IFT81: variants seen among roughly 807,000 people sequenced by gnomAD.
IFT81 encodes intraflagellar transport 81, also known as intraflagellar transport protein 81 homolog.
In IFT81, 72 loss-of-function variants were observed where a neutral mutation model predicts 102.6. The ratio of observed to expected loss-of-function variants is 0.70; its 90% CI spans 0.58 to 0.85. The LOEUF is 0.85. IFT81 is among the 40% of genes least tolerant of loss of function. The pLI, the probability that IFT81 is intolerant of heterozygous loss-of-function variation, is 0.00. For synonymous variants in IFT81, 237 were observed against 242.7 expected, an observed-to-expected ratio of 0.98 and a Z score of 0.22; for missense variants, 723 against 787.3, an observed-to-expected ratio of 0.92 and a Z score of 0.98.
intron 8 of IFT81, among the ~76,000 whole-genome samples, chr12:110,141,113 C>T (rs1894863648): frequency 6.6e-6 from 1 of 152,110 alleles, no homozygotes; most frequent in South Asian, 2.1e-4. Flanking sequence ...CAACCTCTGC[C>T]TCCCGGGTTC....
At chr12:110,173,392 G>C (rs1347943905) in intron 11 of IFT81, among the ~76,000 whole-genome samples, 1 of 151,428 alleles carries the variant, frequency 6.6e-6, no homozygotes, top group Non-Finnish European at 1.5e-5. Flanking sequence ...GGTGAGGGGC[G>C]CCTCTGCCCG....
chr12:110,166,139 A>G (rs1457418205), intron 11 of IFT81, among the ~76,000 whole-genome samples: 1 of 152,222 alleles, frequency 6.6e-6, no homozygotes, highest in East Asian at 1.9e-4. Context: ...TTAATTGAAC[A>G]TGCTTAGAAC....
At chr12:110,192,163 T>C (rs1428897012) in intron 13 of IFT81, among the ~76,000 whole-genome samples, 1 of 148,966 alleles carries the variant, frequency 6.7e-6, no homozygotes, top group Non-Finnish European at 1.5e-5. Flanking sequence ...CAAGCAAGAC[T>C]CTGTCTCAAA....
intron 5 of IFT81, among the ~76,000 whole-genome samples, chr12:110,133,668 T>C (rs553706757): frequency 2.0e-5 from 3 of 152,224 alleles, no homozygotes; most frequent in African/African-American, 7.2e-5. Flanking sequence ...ATAATCTCGT[T>C]CTCCAGAGAC....
chr12:110,131,990 A>G (rs1894192348), intron 4 of IFT81, among the ~76,000 whole-genome samples: 1 of 152,188 alleles, frequency 6.6e-6, no homozygotes, highest in African/African-American at 2.4e-5. Context: ...CAACATAGCT[A>G]GTGTAGAGTG....
chr12:110,215,003 T>G (rs1468802889), intron 18 of IFT81, among the ~76,000 whole-genome samples: 1 of 152,168 alleles, frequency 6.6e-6, no homozygotes, highest in African/African-American at 2.4e-5. Flanking sequence ...ATCAAAAAAT[T>G]TACTGGTTAT....
At chr12:110,197,697 T>A (rs188228424) in intron 14 of IFT81, among the ~76,000 whole-genome samples, 589 of 151,694 alleles carry the variant, frequency 3.9e-3, no homozygotes, top group African/African-American at 0.012. Context: ...GCATTTTTTT[T>A]ATTTATTTGT....
intron 12 of IFT81, 99 bp downstream of exon 12, chr12:110,180,670 TAA>T: frequency 1.3e-6 from 1 of 787,070 alleles, no homozygotes. Flanking sequence ...GGAAAAATGA[TAA>T]AAGTATTACT....
intron 7 of IFT81, 65 bp from the exon 8 acceptor site, chr12:110,136,711 C>G: frequency 2.4e-6 from 2 of 839,312 alleles, no homozygotes; most frequent in Non-Finnish European, 3.7e-6. Context: ...TTTTTCATTG[C>G]TTGCCTAAGT....
In IFT81 at chr12:110,158,189, G is replaced by A. The variant is rs370053062; in HGVS notation, c.1042-4730G>A. ...GGGTTCATGCAATTCTCCTGCCTCA[G>A]CCTCCTGAGTAGCTGGGATTATAGG... On this transcript the variant is annotated intron_variant, in intron 10 of 18. Coordinates refer to ENST00000242591, the MANE Select transcript of IFT81 (RefSeq NM_014055.4). Among the ~76,000 whole-genome samples the A allele has an allele frequency of 6.6e-5, 10 of 152,124 alleles. No individual in the cohort carries two copies. The East Asian group carries it at 1.4e-3, about 21-fold the overall frequency.
At chr12:110,200,405 A>G (rs542512173) in intron 14 of IFT81, among the ~76,000 whole-genome samples, 3 of 152,336 alleles carry the variant, frequency 2.0e-5, no homozygotes, top group Non-Finnish European at 2.9e-5. Flanking sequence ...ACACCCATCT[A>G]AACATAGAAA....
chr12:110,200,876 G>A (rs891192481), intron 14 of IFT81, among the ~76,000 whole-genome samples: 2 of 151,816 alleles, frequency 1.3e-5, no homozygotes, highest in Non-Finnish European at 2.9e-5. Flanking sequence ...CTTGAACCCG[G>A]GAGGCGGAGG....
intron 17 of IFT81, among the ~76,000 whole-genome samples, chr12:110,208,774 G>A (rs1869019837): frequency 3.3e-5 from 5 of 152,128 alleles, no homozygotes; most frequent in Admixed American, 3.3e-4. Context: ...TGACTTCCTA[G>A]AAGTAGAATT....
chr12:110,201,316 C>T (rs959264849), intron 14 of IFT81, among the ~76,000 whole-genome samples: 6 of 147,930 alleles, frequency 4.1e-5, no homozygotes, highest in East Asian at 2.1e-4. Flanking sequence ...GCAGGAGAAT[C>T]GCTTGAACCC....
intron 12 of IFT81, among the ~76,000 whole-genome samples, chr12:110,188,318 C>A: frequency 6.8e-6 from 1 of 147,336 alleles, no homozygotes; most frequent in African/African-American, 2.5e-5. Flanking sequence ...AGCGACAGAG[C>A]AAGACTCCGT....
Position 110,209,191 on chromosome 12 carries a change from C to G in IFT81, c.1823C>G (p.Thr608Ser). ...CCTAGGGAACAGTATACCAAAAATA[C>G]TGCTGAACAAGAAAACCTTGGAAAG... ...KAIREQYTKN[T>S]AEQENLGKKL... The change falls in exon 18 of 19, where the codon ACT becomes AGT. Residue 608 changes from threonine (T) to serine (S), a missense_variant. Coordinates refer to ENST00000242591, the MANE Select transcript of IFT81 (RefSeq NM_014055.4). The G allele has an allele frequency of 1.3e-6, 2 of 1,550,164 alleles. No homozygotes were observed. Among genetic ancestry groups the G allele is most frequent in the Non-Finnish European group, 1.8e-6 (2 of 1,126,570 alleles).
At chr12:110,190,880 T>A (rs760094875) in intron 12 of IFT81, 40 bp from the exon 13 acceptor site, 5 of 1,451,664 alleles carry the variant, frequency 3.4e-6, no homozygotes, top group Non-Finnish European at 4.5e-6. Context: ...GCCAGCAAGA[T>A]TTTGACATGT....
intron 8 of IFT81, among the ~76,000 whole-genome samples, chr12:110,142,211 G>C (rs186200374): frequency 6.6e-6 from 1 of 152,156 alleles, no homozygotes; most frequent in Admixed American, 6.5e-5. Flanking sequence ...CCCCAGGCTG[G>C]AGTGCAGTGA....
chr12:110,154,864 T>A (rs998377600), intron 10 of IFT81, among the ~76,000 whole-genome samples: 1 of 152,004 alleles, frequency 6.6e-6, no homozygotes, highest in African/African-American at 2.4e-5. Context: ...CCTCTATATG[T>A]CTCAGTTTTC....
Sources: gnomAD v4.1 joint callset for allele counts (sites outside exome capture counted in the v4.1 genomes callset) on GRCh38, gnomAD v4.1.1 for gene constraint, MANE v1.5 for transcripts, NCBI Gene and HGNC (gene_info 2026-07-23, HGNC 2026-07-21) for gene names.